The following CCDC73 variants were observed in gnomAD, a reference collection of about 807,000 sequenced individuals.
CCDC73 encodes the protein coiled-coil domain containing 73.
In CCDC73, 95 loss-of-function variants were observed where a neutral mutation model predicts 116.5. The observed-to-expected ratio is 0.82, with a 90% CI of 0.69 to 0.97. CCDC73 has a LOEUF of 0.97. Ranked by LOEUF, CCDC73 falls within the 50% of genes least tolerant of loss-of-function variation. The pLI is 0.00. For synonymous variants in CCDC73, 398 were observed against 401.3 expected (o/e 0.99, Z 0.10); for missense variants, 1,066 against 1,206.8 (o/e 0.88, Z 1.73).
rs747492382 is a variant in CCDC73 at position 32,776,925 on chromosome 11, TAAA to T, written c.-15-16670_-15-16668del. ...AGTATTTCTTCCTACAGAGTATGGTTAAAAAAAAAAAATATATATATATATATA... is the reference window on the plus strand; with the variant it reads ...AGTATTTCTTCCTACAGAGTATGGTTAAAAAAAAATATATATATATATATA... On this transcript the variant is annotated intron_variant, in intron 1 of 17. Coordinates refer to ENST00000335185, the MANE Select transcript of CCDC73 (RefSeq NM_001008391.4). Among the ~76,000 whole-genome samples the T allele has an allele frequency of 2.7e-3, 340 of 126,978 alleles. 3 individuals are homozygous for T. Among genetic ancestry groups the T allele is most frequent in the African/African-American group, 9.9e-3 (315 of 31,924 alleles). The allele number at this position is 126,978 out of a possible 152,430, so 83.3% of individuals were successfully genotyped here.
chr11:32,675,986 T>G lies in CCDC73; in HGVS notation c.465A>C (p.Glu155Asp), dbSNP rs201008687. ...TTTCACTCAGTTGCTTATGATAGTC[T>G]TCTTTAGCCAGAAGATGTAACTGGA... ...QKVQLHLLAK[E>D]DYHKQLSEIE... Residue 155 changes from glutamate (E) to aspartate (D), a missense_variant, in exon 8 of 18, where the codon GAA (glutamate) becomes GAC (aspartate). Glu to Asp is a conservative substitution (Grantham distance 45). Transcript: ENST00000335185. The G allele has an allele frequency of 4.9e-5, 78 of 1,607,068 alleles. No homozygotes were observed. The highest frequency in any genetic ancestry group is 6.1e-5 in the Non-Finnish European group (72 of 1,177,830).
At chr11:32,816,575 G>A in the CCDC73 span, among the ~76,000 whole-genome samples, 13 of 152,242 alleles carry the variant, frequency 8.5e-5, no homozygotes, top group Non-Finnish European at 1.8e-4. Context: ...GAGAAGAAAA[G>A]AAGGATAAGG....
At chr11:32,737,751 T>C (rs12576584) in intron 2 of CCDC73, among the ~76,000 whole-genome samples, 1 of 152,072 alleles carries the variant, frequency 6.6e-6, no homozygotes, top group Non-Finnish European at 1.5e-5. Flanking sequence ...TAGACTATAG[T>C]CACCTTATTG....
intron 2 of CCDC73, among the ~76,000 whole-genome samples, chr11:32,719,966 C>G (rs1228243959): frequency 3.9e-5 from 6 of 152,062 alleles, no homozygotes; most frequent in Admixed American, 3.9e-4. Context: ...GAGAATACTA[C>G]CAAATATTTA....
At chr11:32,690,246 T>C (rs1393891881) in intron 6 of CCDC73, among the ~76,000 whole-genome samples, 1 of 152,066 alleles carries the variant, frequency 6.6e-6, no homozygotes, top group Non-Finnish European at 1.5e-5. Flanking sequence ...CACACAAATA[T>C]TTTAGTAATA....
chr11:32,614,074 C>T lies in CCDC73; in HGVS notation c.2244G>A (p.Met748Ile). The T allele has an allele frequency of 6.2e-7, 1 of 1,613,294 alleles. No individual in the cohort carries two copies. Among genetic ancestry groups the T allele is most frequent in the Non-Finnish European group, 8.5e-7 (1 of 1,179,904 alleles). ...KPNSSPGGKT[M>I]CKNMSDMQNS... ...TTTGCATATCACTCATATTTTTACA[C>T]ATAGTTTTTCCCCCAGGGCTTGAGT... Residue 748 changes from methionine to isoleucine, a missense_variant, in exon 16 of 18, where the codon ATG (methionine) becomes ATA (isoleucine). By Grantham distance (10) the Met-to-Ile change is conservative. Transcript: ENST00000335185.
chr11:32,792,324 T>C (rs1850683656), intron 1 of CCDC73, among the ~76,000 whole-genome samples: 2 of 152,244 alleles, frequency 1.3e-5, no homozygotes, highest in Admixed American at 6.5e-5. Flanking sequence ...AAGTGTACAC[T>C]GCTTATGGTA....
chr11:32,648,009 C>G (rs796941372), intron 12 of CCDC73, among the ~76,000 whole-genome samples: 27 of 152,286 alleles, frequency 1.8e-4, no homozygotes, highest in African/African-American at 2.6e-4. Flanking sequence ...CCCCTTCCCC[C>G]CAAACCTCAG....
intron 14 of CCDC73, among the ~76,000 whole-genome samples, chr11:32,622,706 G>A (rs1263100080): frequency 8.9e-6 from 1 of 112,244 alleles, no homozygotes; most frequent in Non-Finnish European, 1.8e-5. Flanking sequence ...GAACCTCTAG[G>A]ACACAGCTCA....
chr11:32,755,438 G>T (rs1850324248), intron 2 of CCDC73, among the ~76,000 whole-genome samples: 1 of 146,632 alleles, frequency 6.8e-6, no homozygotes, highest in Non-Finnish European at 1.5e-5. Context: ...GGAGGCTGAG[G>T]CAGGAGAATC....
At chr11:32,734,770 A>G (rs1193536267) in intron 2 of CCDC73, among the ~76,000 whole-genome samples, 1 of 152,230 alleles carries the variant, frequency 6.6e-6, no homozygotes, top group Non-Finnish European at 1.5e-5. Flanking sequence ...GAAATCCTCA[A>G]TAAAATACTG....
intron 14 of CCDC73, among the ~76,000 whole-genome samples, chr11:32,625,053 T>C (rs186317873): frequency 6.6e-6 from 1 of 152,234 alleles, no homozygotes; most frequent in African/African-American, 2.4e-5. Flanking sequence ...TTGTCTGTTT[T>C]GATCTTTGTT....
chr11:32,658,107 G>A (rs1337214303), intron 9 of CCDC73, among the ~76,000 whole-genome samples: 1 of 151,556 alleles, frequency 6.6e-6, no homozygotes, highest in Non-Finnish European at 1.5e-5. Context: ...GCTCTTTCCA[G>A]ATTCCAGCAT....
intron 9 of CCDC73, among the ~76,000 whole-genome samples, chr11:32,674,310 C>T (rs997602728): frequency 6.6e-6 from 1 of 152,102 alleles, no homozygotes; most frequent in African/African-American, 2.4e-5. Flanking sequence ...TAAAATGATT[C>T]AAAGCAGTAT....
chr11:32,609,000 C>A (rs1008085272), intron 17 of CCDC73, among the ~76,000 whole-genome samples: 1 of 152,172 alleles, frequency 6.6e-6, no homozygotes, highest in African/African-American at 2.4e-5. Context: ...GCCCCGCCCA[C>A]AAAACCATTT....
In CCDC73 at chr11:32,738,974, G is replaced by C. The variant is rs1305995890; in HGVS notation, c.136-20827C>G. Among the ~76,000 whole-genome samples the C allele has an allele frequency of 2.0e-5, 3 of 152,040 alleles. No homozygotes were observed. The South Asian group carries it at 6.2e-4, about 32-fold the overall frequency. ...CAGTCATTCCTCAATGTATGTTCTT[G>C]GCACCTTTGTTGAAAATGAGTTCAC... On this transcript the variant is annotated intron_variant, in intron 2 of 17. Transcript: ENST00000335185.
chr11:32,749,961 C>T (rs56154102), intron 2 of CCDC73, among the ~76,000 whole-genome samples: 37,149 of 151,424 alleles, frequency 0.25, 5,726 homozygotes, highest in East Asian at 0.79. Context: ...ACCTCCACCT[C>T]CCGGGTTCAA....
At chr11:32,708,069 T>C (rs139179549) in intron 3 of CCDC73, among the ~76,000 whole-genome samples, 36 of 152,310 alleles carry the variant, frequency 2.4e-4, no homozygotes, top group African/African-American at 8.2e-4. Flanking sequence ...TCCATCTTGA[T>C]TTGATTTTTG....
At chr11:32,769,211 T>C (rs553689197) in intron 1 of CCDC73, among the ~76,000 whole-genome samples, 3 of 152,318 alleles carry the variant, frequency 2.0e-5, no homozygotes, top group African/African-American at 7.2e-5. Flanking sequence ...ACATAATGAC[T>C]TAAAATAACA....
Sources: allele counts gnomAD v4.1 joint callset (sites outside exome capture counted in the v4.1 genomes callset), GRCh38; gene constraint gnomAD v4.1.1; transcripts MANE v1.5; gene names NCBI Gene and HGNC (gene_info 2026-07-23, HGNC 2026-07-21).